Variants in WDR4 observed in about 807,000 individuals in gnomAD.
WDR4 encodes the protein WDR4 tRNA N7-guanosine methyltransferase non-catalytic subunit, also known as tRNA (guanine-N(7)-)-methyltransferase non-catalytic subunit WDR4.
Under a neutral mutation model 48.6 loss-of-function variants are expected in WDR4, and 47 were observed. The ratio of observed to expected loss-of-function variants is 0.97; its 90% CI spans 0.77 to 1.23. WDR4 has a LOEUF of 1.23. Ranked by LOEUF, WDR4 falls within the 50% of genes most tolerant of loss-of-function variation. The probability of loss-of-function intolerance (pLI) is 0.00; values close to 1 mark genes in which losing one functional copy is unlikely to be tolerated. For missense variants in WDR4, 606 were observed against 551.6 expected, an observed-to-expected ratio of 1.10 and a Z score of -0.99; for synonymous variants, 268 against 230.0, an observed-to-expected ratio of 1.17 and a Z score of -1.49.
At chr21:42,888,383 AC>A in the WDR4 span, among the ~76,000 whole-genome samples, 4 of 152,258 alleles carry the variant, frequency 2.6e-5, no homozygotes, top group South Asian at 8.3e-4. Context: ...ACATGGTGAA[AC>A]CCTGTCTCTA....
At chr21:42,858,399 G>A (rs1181321699) in intron 6 of WDR4, among the ~76,000 whole-genome samples, 3 of 152,194 alleles carry the variant, frequency 2.0e-5, no homozygotes, top group Non-Finnish European at 2.9e-5. Flanking sequence ...AAACCCACAG[G>A]AGCAACCAGC....
At chr21:42,876,218 C>CTTTTTTTTTGTTT in intron 2 of WDR4, among the ~76,000 whole-genome samples, 1 of 105,878 alleles carries the variant, frequency 9.4e-6, no homozygotes, top group East Asian at 2.4e-4. Context: ...ACACTGTACT[C>CTTTTTTTTTGTTT]TTTTTTTTTT....
intron 3 of WDR4, among the ~76,000 whole-genome samples, chr21:42,869,003 C>T (rs563778056): frequency 6.6e-6 from 1 of 152,290 alleles, no homozygotes; most frequent in East Asian, 1.9e-4. Flanking sequence ...GTCAACACTG[C>T]CCTGGCGGGG....
At chr21:42,868,457 G>A (rs1018215278) in intron 3 of WDR4, among the ~76,000 whole-genome samples, 10 of 152,172 alleles carry the variant, frequency 6.6e-5, no homozygotes, top group Non-Finnish European at 1.3e-4. Context: ...CTCCCTGCCC[G>A]CTCACCCCCA....
chr21:42,858,165 G>A (rs897864525), intron 6 of WDR4, among the ~76,000 whole-genome samples: 1 of 152,184 alleles, frequency 6.6e-6, no homozygotes, highest in Non-Finnish European at 1.5e-5. Context: ...AAGAGGCAGG[G>A]GTAGAGAACA....
chr21:42,855,066 G>C (rs1262281330), intron 7 of WDR4, among the ~76,000 whole-genome samples: 1 of 151,862 alleles, frequency 6.6e-6, no homozygotes, highest in Admixed American at 6.6e-5. Flanking sequence ...TGAGGCGGAG[G>C]TTGCTGTGAG....
At chr21:42,856,741 C>G (rs986825418) in intron 6 of WDR4, among the ~76,000 whole-genome samples, 1 of 151,816 alleles carries the variant, frequency 6.6e-6, no homozygotes, top group African/African-American at 2.4e-5. Flanking sequence ...CTCTGGGTGC[C>G]GAGGTAAGAG....
At position 42,849,933 on chromosome 21, in the gene WDR4, G is replaced by T; in HGVS notation, c.*116C>A. Reference sequence around the variant, plus strand: ...AGCCCAGGGGACAGCCCCATCCTCTGAGCTGGTCACAACTGATGTCACCTT... The same window carrying T: ...AGCCCAGGGGACAGCCCCATCCTCTTAGCTGGTCACAACTGATGTCACCTT... On this transcript the variant is annotated 3_prime_UTR_variant, in exon 11 of 11. Transcript: ENST00000398208. The T allele has an allele frequency of 7.7e-7, 1 of 1,306,664 alleles. No individual in the cohort carries two copies. The highest frequency in any genetic ancestry group is 1.1e-6 in the Non-Finnish European group (1 of 936,542). 80.9% of individuals were successfully genotyped at this position (1,306,664 alleles called of 1,614,324 possible). A position where few individuals can be genotyped will look rare whatever the true frequency, so the allele number is the denominator to read the frequency against.
chr21:42,863,900 ATT>A, intron 3 of WDR4, among the ~76,000 whole-genome samples: 1 of 117,924 alleles, frequency 8.5e-6, no homozygotes, highest in South Asian at 2.6e-4. Context: ...AGGTCAGGAG[ATT>A]GAGACCATTC....
At chr21:42,881,498 T>G (rs751453309), upstream of WDR4, among the ~76,000 whole-genome samples, 1 of 152,236 alleles carries the variant, frequency 6.6e-6, no homozygotes. Context: ...TATACTGATA[T>G]GATCTTTTTC....
intron 2 of WDR4, among the ~76,000 whole-genome samples, 199 bp downstream of exon 2, chr21:42,876,503 C>G (rs143054230): frequency 1.3e-5 from 2 of 152,162 alleles, no homozygotes; most frequent in African/African-American, 2.4e-5. Context: ...CATAAGCCAC[C>G]GTGCTCAGCC....
At chr21:42,876,803 T>G in intron 1 of WDR4, 36 bp from the exon 2 acceptor site, 1 of 1,584,868 alleles carries the variant, frequency 6.3e-7, no homozygotes. Flanking sequence ...AAAGGAGTTA[T>G]CATTAGAGAG....
chr21:42,883,274 C>CAAA (rs56707881), upstream of WDR4, among the ~76,000 whole-genome samples: 1 of 77,758 alleles, frequency 1.3e-5, no homozygotes, highest in African/African-American at 5.4e-5. Context: ...GACTCTGTCT[C>CAAA]AAAAAAAAAA....
At position 42,849,798 on chromosome 21, in the gene WDR4, G is replaced by C. The variant is rs1357496932; in HGVS notation, c.*251C>G. ...TCACACGCAGCCTCCGACATGAAAA[G>C]AAAGTGCTTCAAGAGCTTCCACTCC... On this transcript the variant is annotated 3_prime_UTR_variant, in exon 11 of 11. Coordinates refer to ENST00000398208, the MANE Select transcript of WDR4 (RefSeq NM_018669.6). 1 of 450,432 alleles carries C rather than the reference G, an allele frequency of 2.2e-6. No homozygotes were observed. The highest frequency in any genetic ancestry group is 3.9e-6 in the Non-Finnish European group (1 of 256,772). The allele number at this position is 450,432 out of a possible 1,614,324, so 27.9% of individuals were successfully genotyped here. A position where few individuals can be genotyped will look rare whatever the true frequency, so the allele number is the denominator to read the frequency against.
intron 6 of WDR4, among the ~76,000 whole-genome samples, chr21:42,859,074 A>G (rs2058056786): frequency 6.6e-6 from 1 of 152,164 alleles, no homozygotes; most frequent in South Asian, 2.1e-4. Context: ...TAAGGCTTCC[A>G]GGACCCAATT....
At chr21:42,857,358 A>G (rs1180106757) in intron 6 of WDR4, among the ~76,000 whole-genome samples, 1 of 151,696 alleles carries the variant, frequency 6.6e-6, no homozygotes, top group Non-Finnish European at 1.5e-5. Context: ...TACGGAGTCC[A>G]CAGGCAAGGG....
intron 6 of WDR4, 78 bp downstream of exon 6, chr21:42,859,584 A>AGCGATCCACAGGGGCCG: frequency 6.6e-6 from 9 of 1,364,526 alleles, no homozygotes; most frequent in Non-Finnish European, 9.2e-6. Flanking sequence ...CACAGGGGCC[A>AGCGATCCACAGGGGCCG]GGTCCAGGAG....
intron 5 of WDR4, among the ~76,000 whole-genome samples, chr21:42,861,668 AAC>A (rs2058120107): frequency 6.6e-6 from 1 of 152,238 alleles, no homozygotes; most frequent in Admixed American, 6.5e-5. Flanking sequence ...TTTGGATCAA[AAC>A]CAGGAAAACA....
At chr21:42,848,261 C>G (rs1160838952), downstream of WDR4, among the ~76,000 whole-genome samples, 1 of 152,134 alleles carries the variant, frequency 6.6e-6, no homozygotes, top group African/African-American at 2.4e-5. Flanking sequence ...TACCCAGAAG[C>G]CTGCCCATTG....
Sources: gnomAD v4.1 joint callset for allele counts (sites outside exome capture counted in the v4.1 genomes callset) on GRCh38, gnomAD v4.1.1 for gene constraint, MANE v1.5 for transcripts, NCBI Gene and HGNC (gene_info 2026-07-23, HGNC 2026-07-21) for gene names.